The following ZFYVE1 variants were observed in gnomAD, a reference collection of about 807,000 sequenced individuals.
The protein encoded by ZFYVE1 is zinc finger FYVE-type containing 1.
ZFYVE1 carries 30 observed loss-of-function variants against 74.4 expected under a neutral mutation model. The ratio of observed to expected loss-of-function variants is 0.40; its 90% CI spans 0.30 to 0.55. The LOEUF (loss-of-function observed/expected upper bound fraction) is 0.55. ZFYVE1 is among the 20% of genes least tolerant of loss of function. The pLI is 0.42. For missense variants in ZFYVE1, 703 were observed against 1,011.6 expected (o/e 0.69, Z 4.14); for synonymous variants, 335 against 385.1 (o/e 0.87, Z 1.52).
intron 2 of ZFYVE1, among the ~76,000 whole-genome samples, chr14:73,002,964 A>G (rs758828146): frequency 2.7e-4 from 41 of 150,938 alleles, no homozygotes; most frequent in Non-Finnish European, 5.2e-4. Flanking sequence ...GGATGGTCTC[A>G]ATCTCCTGAC....
chr14:72,988,164 G>T (rs934253684), intron 4 of ZFYVE1, among the ~76,000 whole-genome samples: 1 of 148,394 alleles, frequency 6.7e-6, no homozygotes, highest in Non-Finnish European at 1.5e-5. Context: ...AAATAAGATA[G>T]GGCTAACAAC....
At chr14:72,985,312 T>A (rs937528736) in intron 4 of ZFYVE1, among the ~76,000 whole-genome samples, 1 of 147,892 alleles carries the variant, frequency 6.8e-6, no homozygotes, top group Non-Finnish European at 1.5e-5. Context: ...AATGCCACCA[T>A]GCCCCAATAA....
intron 2 of ZFYVE1, among the ~76,000 whole-genome samples, chr14:73,009,119 G>C (rs1301215814): frequency 3.3e-5 from 5 of 152,140 alleles, no homozygotes; most frequent in Admixed American, 6.6e-5. Flanking sequence ...AATGAACACA[G>C]CACAAAATGT....
In ZFYVE1 at chr14:72,974,966, C is replaced by T. The variant is rs1893130450; in HGVS notation, c.1807-7G>A. ...TCGCACACTTGTTGCAGCTCTGTTC[C>T]AAGCCCAAAACAAAACAGAGAGGCA... On this transcript the variant is annotated splice_region_variant and splice_polypyrimidine_tract_variant and intron_variant, in intron 9 of 11. Transcript: ENST00000556143. 6.3e-7 allele frequency: 1 copy of T among 1,597,980 alleles called. No homozygotes were observed. Among genetic ancestry groups the T allele is most frequent in the Non-Finnish European group, 8.6e-7 (1 of 1,166,830 alleles).
chr14:73,023,251 T>TTATATGTTTTATATGTAATATATATTA lies in ZFYVE1; in HGVS notation c.483+774_483+775insTAATATATATTACATATAAAACATATA, dbSNP rs1894363200. ...ATATGTTTTATATGTAATATATATA[T>TTATATGTTTTATATGTAATATATATTA]TATATGTTTTATATATAATATATAT... is the stretch of plus-strand genomic sequence containing the variant. On this transcript the variant is annotated intron_variant, in intron 2 of 11. Coordinates refer to ENST00000556143, the MANE Select transcript of ZFYVE1 (RefSeq NM_021260.4). Among the ~76,000 whole-genome samples, 6 of 93,228 alleles carry TTATATGTTTTATATGTAATATATATTA rather than the reference T, an allele frequency of 6.4e-5. 1 individual carries two copies. The highest frequency in any genetic ancestry group is 2.1e-4 in the African/African-American group (5 of 23,920). 61.2% of individuals were successfully genotyped at this position (93,228 alleles called of 152,430 possible).
chr14:72,971,030 C>T lies in ZFYVE1; in HGVS notation c.2186G>A (p.Ser729Asn), dbSNP rs1301507416. The T allele has an allele frequency of 6.2e-7, 1 of 1,614,224 alleles. No individual in the cohort carries two copies. Among genetic ancestry groups the T allele is most frequent in the South Asian group, 1.1e-5 (1 of 91,078 alleles). Residue 729 changes from serine to asparagine, a missense_variant, in exon 12 of 12, where the codon AGC becomes AAC. Coordinates refer to ENST00000556143, the MANE Select transcript of ZFYVE1 (RefSeq NM_021260.4). ...GCAGTGGTGCTTGGAGAGCTTGATG[C>T]TGAACTCCTTCCGGCAGTTGTGGCA... ...LHCHNCRKEF[S>N]IKLSKHHCRA...
intron 11 of ZFYVE1, among the ~76,000 whole-genome samples, chr14:72,973,492 AAAACAAACAAAC>A (rs146630567): frequency 6.6e-6 from 1 of 151,664 alleles, no homozygotes; most frequent in Non-Finnish European, 1.5e-5. Context: ...CCATCTCAAA[AAAACAAACAAAC>A]AAACAAACAA....
intron 2 of ZFYVE1, among the ~76,000 whole-genome samples, chr14:73,016,909 T>G (rs1303410941): frequency 2.0e-5 from 3 of 151,924 alleles, no homozygotes; most frequent in African/African-American, 7.3e-5. Flanking sequence ...TGAATACAAC[T>G]CAGAAAGTCT....
At chr14:72,974,645 C>T in intron 10 of ZFYVE1, 134 bp downstream of exon 10, 2 of 1,179,696 alleles carry the variant, frequency 1.7e-6, no homozygotes, top group Non-Finnish European at 2.3e-6. Flanking sequence ...AGCTTAGAGG[C>T]TGACTGGCCA....
intron 2 of ZFYVE1, among the ~76,000 whole-genome samples, chr14:73,002,421 A>G (rs1342398711): frequency 6.6e-6 from 1 of 151,816 alleles, no homozygotes; most frequent in Non-Finnish European, 1.5e-5. Context: ...TATGTGAATT[A>G]CATCTCAATA....
intron 5 of ZFYVE1, among the ~76,000 whole-genome samples, chr14:72,981,449 T>C (rs1893328537): frequency 6.6e-6 from 1 of 152,122 alleles, no homozygotes; most frequent in South Asian, 2.1e-4. Context: ...CTGGAAACTC[T>C]GGTAGAAAAA....
At chr14:73,026,539 CTT>C (rs1438589616) in intron 1 of ZFYVE1, among the ~76,000 whole-genome samples, 2 of 152,188 alleles carry the variant, frequency 1.3e-5, no homozygotes, top group Non-Finnish European at 2.9e-5. Flanking sequence ...AAAAATCAAA[CTT>C]GTCACAATTG....
At chr14:73,026,164 C>CAATT (rs1381075401) in intron 1 of ZFYVE1, among the ~76,000 whole-genome samples, 1 of 146,564 alleles carries the variant, frequency 6.8e-6, no homozygotes, top group Non-Finnish European at 1.5e-5. Context: ...CAACAGGAGA[C>CAATT]AATTCCTCTA....
intron 2 of ZFYVE1, among the ~76,000 whole-genome samples, chr14:73,020,575 A>G (rs1208814823): frequency 6.6e-6 from 1 of 152,132 alleles, no homozygotes; most frequent in Non-Finnish European, 1.5e-5. Flanking sequence ...ACTGGTCTCG[A>G]GCTCCTGACC....
At chr14:73,012,191 G>A (rs1894105044) in intron 2 of ZFYVE1, among the ~76,000 whole-genome samples, 1 of 152,082 alleles carries the variant, frequency 6.6e-6, no homozygotes, top group Non-Finnish European at 1.5e-5. Context: ...AGGGGAAGAG[G>A]TAGATAGGTT....
intron 2 of ZFYVE1, among the ~76,000 whole-genome samples, chr14:73,020,509 C>T (rs1014241693): frequency 6.6e-6 from 1 of 152,088 alleles, no homozygotes; most frequent in Non-Finnish European, 1.5e-5. Context: ...CACACCACCA[C>T]ACCAGGCTAA....
chr14:72,981,035 C>T (rs1893316996), intron 5 of ZFYVE1, among the ~76,000 whole-genome samples: 1 of 152,188 alleles, frequency 6.6e-6, no homozygotes, highest in Non-Finnish European at 1.5e-5. Flanking sequence ...AAAGGCACAG[C>T]CATTGCCCGG....
chr14:72,994,322 C>CA (rs71109776), intron 3 of ZFYVE1, among the ~76,000 whole-genome samples: 4,749 of 30,980 alleles, frequency 0.15, 944 homozygotes, highest in South Asian at 0.3. Context: ...GACGCTGTCT[C>CA]AAAAAAAAAA....
chr14:73,017,472 A>G (rs545605100), intron 2 of ZFYVE1, among the ~76,000 whole-genome samples: 20 of 152,348 alleles, frequency 1.3e-4, no homozygotes, highest in African/African-American at 4.3e-4. Flanking sequence ...ACTGTGTTAG[A>G]TAATACAAAT....
Sources: allele counts gnomAD v4.1 joint callset (sites outside exome capture counted in the v4.1 genomes callset), GRCh38; gene constraint gnomAD v4.1.1; transcripts MANE v1.5; gene names NCBI Gene and HGNC (gene_info 2026-07-23, HGNC 2026-07-21).